ANO2: variants seen among roughly 807,000 people sequenced by gnomAD.
The protein encoded by ANO2 is anoctamin-2.
In ANO2, 101 loss-of-function variants were observed where a neutral mutation model predicts 124.2. The ratio of observed to expected loss-of-function variants is 0.81; its 90% CI spans 0.69 to 0.96. The LOEUF is 0.96. Among genes scored for constraint, ANO2 ranks in the 40% least tolerant of loss-of-function variants. The pLI is 0.00. For missense variants in ANO2, 1,293 were observed against 1,274.5 expected (o/e 1.01, Z -0.22); for synonymous variants, 486 against 482.5 (o/e 1.01, Z -0.09).
chr12:5,824,517 G>A (rs1252120862), intron 7 of ANO2, among the ~76,000 whole-genome samples: 1 of 152,064 alleles, frequency 6.6e-6, no homozygotes, highest in Non-Finnish European at 1.5e-5. Flanking sequence ...CTCCATCTGA[G>A]ACCACCTCAG....
At chr12:5,795,232 G>A (rs755178011) in intron 10 of ANO2, among the ~76,000 whole-genome samples, 125 of 152,172 alleles carry the variant, frequency 8.2e-4, no homozygotes, top group Non-Finnish European at 1.7e-3. Context: ...GCCACCCAAG[G>A]GCTCTTGAAA....
In ANO2 at chr12:5,896,324, TCAA is replaced by T. The variant is rs140656089; in HGVS notation, c.534+24713_534+24715del. ...AAGTATATCTGTTGTAATCCCTAGA[TCAA>T]CAACTAATAAAATCACACATAAAGA... is the stretch of plus-strand genomic sequence containing the variant. On this transcript the variant is annotated intron_variant, in intron 3 of 24. Transcript: ENST00000682330. Among the ~76,000 whole-genome samples, 368 of 152,256 alleles carry T rather than the reference TCAA, an allele frequency of 2.4e-3. 3 individuals carry two copies. Among genetic ancestry groups the T allele is most frequent in the African/African-American group, 8.4e-3 (351 of 41,552 alleles).
chr12:5,674,907 C>T (rs1207792576), intron 14 of ANO2, among the ~76,000 whole-genome samples: 7 of 152,116 alleles, frequency 4.6e-5, no homozygotes, highest in East Asian at 1.9e-4. Flanking sequence ...ATCATCATTA[C>T]GGCTCTTAGG....
chr12:5,753,273 A>G (rs1414075469), intron 10 of ANO2, among the ~76,000 whole-genome samples: 1 of 152,158 alleles, frequency 6.6e-6, no homozygotes, highest in African/African-American at 2.4e-5. Flanking sequence ...GAGGGAGGGT[A>G]TGGTATGGTC....
At chr12:5,710,928 G>A (rs560780098) in intron 14 of ANO2, among the ~76,000 whole-genome samples, 3 of 152,236 alleles carry the variant, frequency 2.0e-5, no homozygotes, top group East Asian at 1.9e-4. Flanking sequence ...TTGGGAGGCC[G>A]AGGCGGGATC....
At position 5,808,930 on chromosome 12, in the gene ANO2, C is replaced by T. The variant is rs188486831; in HGVS notation, c.893-1562G>A. ...CACAAAGACTATTCTCCAGGCCCCA[C>T]GTGGGAGCAGAGGCCCGCGGCAGGC... On this transcript the variant is annotated intron_variant, in intron 7 of 24. Coordinates refer to ENST00000682330, the MANE Select transcript of ANO2 (RefSeq NM_001364791.2). Among the ~76,000 whole-genome samples, 434 of 152,248 alleles carry T rather than the reference C, an allele frequency of 2.9e-3. 1 individual carries two copies. Among genetic ancestry groups the T allele is most frequent in the African/African-American group, 9.6e-3 (398 of 41,544 alleles).
At position 5,794,786 on chromosome 12, in the gene ANO2, C is replaced by A. The variant is rs1183050004; in HGVS notation, c.1055+4721G>T. Among the ~76,000 whole-genome samples, 6 of 152,226 alleles carry A rather than the reference C, an allele frequency of 3.9e-5. 1 individual carries two copies. The highest frequency in any genetic ancestry group is 2.0e-4 in the Admixed American group (3 of 15,282). On this transcript the variant is annotated intron_variant, in intron 10 of 24. Coordinates refer to ENST00000682330, the MANE Select transcript of ANO2 (RefSeq NM_001364791.2). Reference sequence around the variant, plus strand: ...ACTGCCAAGCAAAGAGACTTGCTCACTGTAAGCATCAGTGAATGTGTATTG... The same window carrying A: ...ACTGCCAAGCAAAGAGACTTGCTCAATGTAAGCATCAGTGAATGTGTATTG...
chr12:5,618,348 G>T (rs1217942363), intron 16 of ANO2, among the ~76,000 whole-genome samples: 2 of 152,196 alleles, frequency 1.3e-5, no homozygotes, highest in Non-Finnish European at 2.9e-5. Flanking sequence ...AATGGGAGGT[G>T]GGTGCTGCAC....
rs764358898 is a variant in ANO2, at chr12:5,662,382, GA to G, written c.1546-14582del. Among the ~76,000 whole-genome samples the G allele has an allele frequency of 1.2e-3, 172 of 149,038 alleles. 1 individual carries two copies. The highest frequency in any genetic ancestry group is 3.4e-3 in the Middle Eastern group (1 of 290). On this transcript the variant is annotated intron_variant, in intron 14 of 24. Transcript: ENST00000682330. Reference sequence around the variant, plus strand: ...GCAGAGGTGCCAGGCTTCTTAGTGTGAAAAAAAAAATGACATTTTGAAATGT... The same window carrying G: ...GCAGAGGTGCCAGGCTTCTTAGTGTGAAAAAAAAATGACATTTTGAAATGT...
intron 14 of ANO2, among the ~76,000 whole-genome samples, chr12:5,721,783 C>G (rs531357191): frequency 2.6e-4 from 40 of 152,342 alleles, no homozygotes; most frequent in African/African-American, 9.6e-4. Flanking sequence ...GCTGGGATTA[C>G]AGGCGTGAGC....
intron 3 of ANO2, among the ~76,000 whole-genome samples, chr12:5,890,045 ATT>A (rs111396649): frequency 0.078 from 11,203 of 144,262 alleles, 825 homozygotes; most frequent in African/African-American, 0.19. Flanking sequence ...TTAAAATTCC[ATT>A]TTTTTTTTTT....
chr12:5,714,533 A>G (rs890619977), intron 14 of ANO2, among the ~76,000 whole-genome samples: 1 of 152,142 alleles, frequency 6.6e-6, no homozygotes, highest in African/African-American at 2.4e-5. Context: ...ATAAAGGCTA[A>G]AAAATATGCA....
chr12:5,830,445 C>T lies in ANO2; in HGVS notation c.830G>A (p.Arg277His), dbSNP rs761926941. Residue 277 changes from arginine to histidine, a missense_variant, in exon 6 of 25, where the codon CGC becomes CAC. Arg to His is a conservative substitution (Grantham distance 29). Transcript: ENST00000682330. ...CATCCATTTACTTACAATGCGGCTG[C>T]GGGTGGCATTATCAAAGAAGGTGTC... ...EKDTFFDNAT[R>H]SRIVHEILKR... The T allele has an allele frequency of 9.3e-6, 15 of 1,612,498 alleles. No homozygotes were observed. The highest frequency in any genetic ancestry group is 4.5e-5 in the East Asian group (2 of 44,874).
intron 10 of ANO2, among the ~76,000 whole-genome samples, chr12:5,755,516 A>G (rs1674546930): frequency 6.6e-6 from 1 of 151,806 alleles, no homozygotes; most frequent in Admixed American, 6.6e-5. Context: ...TTAACTCGTC[A>G]TTTACATTAG....
chr12:5,613,119 A>G (rs1944628738), intron 17 of ANO2, among the ~76,000 whole-genome samples, 161 bp from the exon 18 acceptor site: 1 of 152,192 alleles, frequency 6.6e-6, no homozygotes, highest in East Asian at 1.9e-4. Flanking sequence ...CACTGTTATC[A>G]GCAAGTAATC....
chr12:5,667,477 G>T (rs892822381), intron 14 of ANO2, among the ~76,000 whole-genome samples: 1 of 151,608 alleles, frequency 6.6e-6, no homozygotes, highest in East Asian at 1.9e-4. Flanking sequence ...TTGTATAAGT[G>T]TGAGTACAAA....
chr12:5,935,474 T>C (rs1271823814), intron 1 of ANO2, among the ~76,000 whole-genome samples: 8 of 152,194 alleles, frequency 5.3e-5, no homozygotes, highest in Admixed American at 2.6e-4. Context: ...CATTTTTTAT[T>C]TTCTCATAAC....
intron 10 of ANO2, among the ~76,000 whole-genome samples, chr12:5,798,503 C>T (rs1039500931): frequency 6.6e-6 from 1 of 152,152 alleles, no homozygotes; most frequent in African/African-American, 2.4e-5. Flanking sequence ...CTCACAATCC[C>T]AGCCCAGGGC....
chr12:5,587,561 G>A (rs1029649897), intron 20 of ANO2, among the ~76,000 whole-genome samples: 1 of 152,212 alleles, frequency 6.6e-6, no homozygotes, highest in East Asian at 1.9e-4. Context: ...CCATTTTGGG[G>A]TAGGGGACAG....
Sources: allele counts gnomAD v4.1 joint callset (sites outside exome capture counted in the v4.1 genomes callset), GRCh38; gene constraint gnomAD v4.1.1; transcripts MANE v1.5; gene names NCBI Gene and HGNC (gene_info 2026-07-23, HGNC 2026-07-21).